Variants in GFI1 observed in about 807,000 individuals in gnomAD.
GFI1 encodes growth factor independent 1 transcriptional repressor, also known as zinc finger protein Gfi-1.
GFI1 carries 15 observed loss-of-function variants against 39.2 expected under a neutral mutation model. The ratio of observed to expected loss-of-function variants is 0.38; its 90% CI spans 0.26 to 0.59. The LOEUF is 0.59. GFI1 is among the 20% of genes least tolerant of loss of function. GFI1 has a pLI of 0.62. For synonymous variants in GFI1, 239 were observed against 254.3 expected (o/e 0.94, Z 0.57); for missense variants, 475 against 574.0 (o/e 0.83, Z 1.76).
chr1:92,480,645 G>A lies in GFI1; in HGVS notation c.742C>T (p.Leu248=). Residue 248 remains leucine (L), a synonymous_variant, in exon 4 of 7, where the codon CTG becomes TTG. Coordinates refer to ENST00000294702, the MANE Select transcript of GFI1 (RefSeq NM_005263.5). The surrounding 1 kb of genome is among the most constrained non-coding windows in gnomAD (Gnocchi z 5.6). The part of the protein sequence containing the change: ...KVESELLCTR[L]LLGGGSYKCI... ...TTGTAGGAGCCGCCGCCCAGCAGCA[G>A]GCGGGTGCACAGCAGCTCCGACTCC... 6.3e-7 allele frequency: 1 copy of A among 1,589,762 alleles called. No homozygotes were observed. Among genetic ancestry groups the A allele is most frequent in the Non-Finnish European group, 8.5e-7 (1 of 1,174,482 alleles).
In GFI1 at chr1:92,484,938, C is replaced by G. The variant is rs532764328; in HGVS notation, c.-99-1352G>C. On this transcript the variant is annotated intron_variant, in intron 1 of 6. Coordinates refer to ENST00000294702, the MANE Select transcript of GFI1 (RefSeq NM_005263.5). This position sits in a 1 kb window ranked among gnomAD's most constrained non-coding sequence, Gnocchi z 4.1. ...TCCGGCTTCGCGCTGTTTCCACTGC[C>G]GGACTAGGAGCCCCTCGGCTTCCTA... is the stretch of plus-strand genomic sequence containing the variant. 6.6e-6 allele frequency among the ~76,000 whole-genome samples: 1 copy of G among 152,318 alleles called. No homozygotes were observed. The highest frequency in any genetic ancestry group is 2.4e-5 in the African/African-American group (1 of 41,576).
Position 92,482,772 on chromosome 1 carries a change from T to C in GFI1, c.298+92A>G. On this transcript the variant is annotated intron_variant, in intron 3 of 6. Transcript: ENST00000294702. The surrounding 1 kb of genome is among the most constrained non-coding windows in gnomAD (Gnocchi z 4.4). Reference sequence around the variant, plus strand: ...CCGGAAAGACTCTCCAACTCCCCGTTAGCATTTCTACGCCCAAGGTCGCGC... The same window carrying C: ...CCGGAAAGACTCTCCAACTCCCCGTCAGCATTTCTACGCCCAAGGTCGCGC... The C allele has an allele frequency of 1.0e-6, 1 of 981,812 alleles. No individual in the cohort carries two copies. Among genetic ancestry groups the C allele is most frequent in the Non-Finnish European group, 1.6e-6 (1 of 615,968 alleles). The allele number at this position is 981,812 out of a possible 1,614,324, so 60.8% of individuals were successfully genotyped here.
At position 92,482,445 on chromosome 1, in the gene GFI1, G is replaced by A. The variant is rs1381094011; in HGVS notation, c.298+419C>T. 2.6e-5 allele frequency among the ~76,000 whole-genome samples: 4 copies of A among 152,216 alleles called. No individual in the cohort carries two copies. The highest frequency in any genetic ancestry group is 9.6e-5 in the African/African-American group (4 of 41,542). ...TCCTGCCCCCTCCCTGCCGCCCAGC[G>A]CCTAGCTCCTCTGCCTGGCCCGTTC... On this transcript the variant is annotated intron_variant, in intron 3 of 6. Transcript: ENST00000294702. The surrounding 1 kb of genome is among the most constrained non-coding windows in gnomAD (Gnocchi z 4.4).
At chr1:92,479,962 C>A (rs1351449371) in intron 5 of GFI1, among the ~76,000 whole-genome samples, 15 of 151,974 alleles carry the variant, frequency 9.9e-5, no homozygotes, top group African/African-American at 2.2e-4. Context: ...CCTTTTCAGT[C>A]GAGAGGGGTC....
intron 5 of GFI1, 39 bp from the exon 6 acceptor site, chr1:92,478,792 A>AGAGAGAGAGAGAGATG (rs1246972284): frequency 1.3e-6 from 2 of 1,579,804 alleles, no homozygotes; most frequent in Admixed American, 1.7e-5. Flanking sequence ...AGAGAGAGAG[A>AGAGAGAGAGAGAGATG]GATGCAGAAC....
At position 92,483,571 on chromosome 1, in the gene GFI1, C is replaced by T; in HGVS notation, c.-84G>A. On this transcript the variant is annotated 5_prime_UTR_variant, in exon 2 of 7. Transcript: ENST00000294702. ...GGTCACTCCGAGGGCTTGCTCAGCC[C>T]CAGCCCGGAGGAGACCTGAGAGGGA... is the stretch of plus-strand genomic sequence containing the variant. 1 of 812,414 alleles carries T rather than the reference C, an allele frequency of 1.2e-6. No individual in the cohort carries two copies. Among genetic ancestry groups the T allele is most frequent in the Non-Finnish European group, 2.1e-6 (1 of 472,002 alleles). 50.3% of individuals were successfully genotyped at this position (812,414 alleles called of 1,614,324 possible).
In GFI1 at chr1:92,482,367, A is replaced by G. The variant is rs1220359627; in HGVS notation, c.298+497T>C. On this transcript the variant is annotated intron_variant, in intron 3 of 6. Coordinates refer to ENST00000294702, the MANE Select transcript of GFI1 (RefSeq NM_005263.5). The surrounding 1 kb of genome is among the most constrained non-coding windows in gnomAD (Gnocchi z 4.4). ...GTTAACCCGGCAAAACGAAAAATGA[A>G]ACAGGCCCCCAATCTGCGCCTGTGA... is the stretch of plus-strand genomic sequence containing the variant. Among the ~76,000 whole-genome samples, 2 of 152,064 alleles carry G rather than the reference A, an allele frequency of 1.3e-5. No homozygotes were observed. Among genetic ancestry groups the G allele is most frequent in the Non-Finnish European group, 2.9e-5 (2 of 68,022 alleles).
At position 92,480,656 on chromosome 1, in the gene GFI1, A is replaced by T. The variant is rs1350210675; in HGVS notation, c.731T>A (p.Leu244Gln). Residue 244 changes from leucine (L) to glutamine (Q), a missense_variant, in exon 4 of 7, where the codon CTG becomes CAG. Transcript: ENST00000294702. This position sits in a 1 kb window ranked among gnomAD's most constrained non-coding sequence, Gnocchi z 5.6. ...GAGVKVESEL[L>Q]CTRLLLGGGS... ...GCCGCCCAGCAGCAGGCGGGTGCACAGCAGCTCCGACTCCACCTTGACGCC... is the reference window on the plus strand; with the variant it reads ...GCCGCCCAGCAGCAGGCGGGTGCACTGCAGCTCCGACTCCACCTTGACGCC... 1.9e-6 allele frequency: 3 copies of T among 1,593,616 alleles called. No homozygotes were observed. Among genetic ancestry groups the T allele is most frequent in the Non-Finnish European group, 1.7e-6 (2 of 1,176,686 alleles).
intron 1 of GFI1, chr1:92,486,036 C>G (rs1365593232): frequency 6.6e-6 from 1 of 152,272 alleles, no homozygotes; most frequent in African/African-American, 2.4e-5. Context: ...GGCGCGGGCA[C>G]CGCGCTAGGA....
At position 92,480,367 on chromosome 1, in the gene GFI1, T is replaced by A; in HGVS notation, c.905A>T (p.His302Leu). Residue 302 changes from histidine to leucine, a missense_variant, in exon 5 of 7, where the codon CAC becomes CTC. His to Leu is a moderately conservative substitution (Grantham distance 99). This residue lies in a region of GFI1 where 112 missense variants were observed against 202.8 expected (regional missense o/e 0.55). Transcript: ENST00000294702. This position sits in a 1 kb window ranked among gnomAD's most constrained non-coding sequence, Gnocchi z 5.6. ...GCTTACCTGCGAGTGCACGGCTTTGTGCTGCTCCAGGCTCACCGCGTGCCC... is the reference window on the plus strand; with the variant it reads ...GCTTACCTGCGAGTGCACGGCTTTGAGCTGCTCCAGGCTCACCGCGTGCCC... ...TFGHAVSLEQ[H>L]KAVHSQERSF... The A allele has an allele frequency of 6.5e-7, 1 of 1,550,030 alleles. No homozygotes were observed. Among genetic ancestry groups the A allele is most frequent in the Non-Finnish European group, 8.7e-7 (1 of 1,146,644 alleles).
rs965169213 is a variant in GFI1, at chr1:92,484,846, C to T, written c.-99-1260G>A. Among the ~76,000 whole-genome samples, 6 of 152,352 alleles carry T rather than the reference C, an allele frequency of 3.9e-5. No homozygotes were observed. The East Asian group carries it at 1.2e-3, about 29-fold the overall frequency. ...ACGTGAGCTGCAGTACAGCAGTTCT[C>T]CGTGGCCTCGGCTGGTTCAGAAACG... On this transcript the variant is annotated intron_variant, in intron 1 of 6. Coordinates refer to ENST00000294702, the MANE Select transcript of GFI1 (RefSeq NM_005263.5). This position sits in a 1 kb window ranked among gnomAD's most constrained non-coding sequence, Gnocchi z 4.1.
Position 92,480,420 on chromosome 1 carries a change from A to G in GFI1, c.852T>C (p.Phe284=), listed in dbSNP as rs1342565988. ...VRRSHSGTRP[F]ACEMCGKTFG... ...AGGTCTTGCCGCACATCTCGCAGGC[A>G]AAGGGTCTGGTACCGCTGTGGGACC... The change falls in exon 5 of 7, where the codon TTT becomes TTC. Residue 284 remains phenylalanine, a synonymous_variant. Coordinates refer to ENST00000294702, the MANE Select transcript of GFI1 (RefSeq NM_005263.5). This position sits in a 1 kb window ranked among gnomAD's most constrained non-coding sequence, Gnocchi z 5.6. 6 of 1,550,270 alleles carry G rather than the reference A, an allele frequency of 3.9e-6. No homozygotes were observed. In the African/African-American group the frequency reaches 8.2e-5, roughly 21 times the overall value.
At chr1:92,483,286 G>T in intron 2 of GFI1, 87 bp downstream of exon 2, 1 of 812,292 alleles carries the variant, frequency 1.2e-6, no homozygotes, top group Non-Finnish European at 2.1e-6. Context: ...CGTTGGGGCA[G>T]CCCCTCCCAG....
chr1:92,479,348 G>A (rs925806431), intron 5 of GFI1, among the ~76,000 whole-genome samples: 2 of 152,118 alleles, frequency 1.3e-5, no homozygotes, highest in African/African-American at 4.8e-5. Context: ...TGGGTGCTGG[G>A]GGAGATGGGC....
rs770306507 is a variant in GFI1, at chr1:92,482,929, C to G, written c.233G>C (p.Ser78Thr). The G allele has an allele frequency of 1.1e-5, 18 of 1,614,024 alleles. No homozygotes were observed. The highest frequency in any genetic ancestry group is 1.7e-4 in the Middle Eastern group (1 of 6,050). ...ASASPDSCEG[S>T]VCERSSEFED... Reference sequence around the variant, plus strand: ...AAACTCCGAGCTCCGTTCGCAGACGCTGCCTTCGCAGCTGTCTGGGGATGC... The same window carrying G: ...AAACTCCGAGCTCCGTTCGCAGACGGTGCCTTCGCAGCTGTCTGGGGATGC... The change falls in exon 3 of 7, where the codon AGC becomes ACC. Residue 78 changes from serine (S) to threonine (T), a missense_variant. Physicochemically the swap from Ser to Thr is moderately conservative, Grantham distance 58. Transcript: ENST00000294702. The surrounding 1 kb of genome is among the most constrained non-coding windows in gnomAD (Gnocchi z 4.4).
Position 92,483,604 on chromosome 1 carries a change from C to T in GFI1, c.-99-18G>A. 1.4e-6 allele frequency: 1 copy of T among 718,740 alleles called. No homozygotes were observed. Among genetic ancestry groups the T allele is most frequent in the Non-Finnish European group, 2.5e-6 (1 of 395,542 alleles). The allele number at this position is 718,740 out of a possible 1,614,324, so 44.5% of individuals were successfully genotyped here. A position where few individuals can be genotyped will look rare whatever the true frequency, so the allele number is the denominator to read the frequency against. On this transcript the variant is annotated intron_variant, in intron 1 of 6. Transcript: ENST00000294702. The stretch of plus-strand genomic sequence containing the variant: ...GAGGAGACCTGAGAGGGAAAGAAAA[C>T]CAGGTGGAGACGTGGGTCAGTACTC...
At position 92,473,494 on chromosome 1, in the gene GFI1, C is replaced by G. The variant is rs1657821507; in HGVS notation, c.*2535G>C. On this transcript the variant is annotated 3_prime_UTR_variant, in exon 7 of 7. Coordinates refer to ENST00000294702, the MANE Select transcript of GFI1 (RefSeq NM_005263.5). ...CCTGGACGCTGCAACTGTTCATCAT[C>G]CATCAGTTCTGAAAAACTATCTTAA... Among the ~76,000 whole-genome samples the G allele has an allele frequency of 6.6e-6, 1 of 152,156 alleles. No individual in the cohort carries two copies. Among genetic ancestry groups the G allele is most frequent in the South Asian group, 2.1e-4 (1 of 4,824 alleles).
At chr1:92,485,022 T>G (rs918202220) in intron 1 of GFI1, among the ~76,000 whole-genome samples, 1 of 152,084 alleles carries the variant, frequency 6.6e-6, no homozygotes, top group Non-Finnish European at 1.5e-5. Flanking sequence ...CTCAAACGAG[T>G]CCTACAGGCC....
chr1:92,486,100 TAAAAAA>T (rs112925059), intron 1 of GFI1: 1 of 146,706 alleles, frequency 6.8e-6, no homozygotes, highest in South Asian at 2.2e-4. Flanking sequence ...CTCTCTGACT[TAAAAAA>T]AAAAAAAATT....
Sources: gnomAD v4.1 joint callset for allele counts (sites outside exome capture counted in the v4.1 genomes callset) on GRCh38, gnomAD v4.1.1 for gene constraint, gnomAD v4.1.1 regional missense constraint, Gnocchi (gnomAD v3.1) non-coding constraint, MANE v1.5 for transcripts, NCBI Gene and HGNC (gene_info 2026-07-23, HGNC 2026-07-21) for gene names.